Variants in GRID2 observed in about 807,000 individuals in gnomAD.
GRID2 encodes the protein glutamate ionotropic receptor delta type subunit 2.
In GRID2, 33 loss-of-function variants were observed where a neutral mutation model predicts 114.8. The observed-to-expected ratio is 0.29, with a 90% CI of 0.22 to 0.38. The LOEUF is 0.38. Ranked by LOEUF, GRID2 falls within the 10% of genes least tolerant of loss-of-function variation. GRID2 has a pLI of 1.00. For synonymous variants in GRID2, 505 were observed against 449.9 expected (o/e 1.12, Z -1.55); for missense variants, 1,184 against 1,257.7 (o/e 0.94, Z 0.89).
rs1254971068 is a variant in GRID2 at position 92,415,732 on chromosome 4, GTA to G, written c.88+110990_88+110991del. Among the ~76,000 whole-genome samples, 321 of 73,930 alleles carry G rather than the reference GTA, an allele frequency of 4.3e-3. 1 individual carries two copies. Among genetic ancestry groups the G allele is most frequent in the Non-Finnish European group, 7.3e-3 (261 of 35,724 alleles). The allele number at this position is 73,930 out of a possible 152,430, so 48.5% of individuals were successfully genotyped here. A position where few individuals can be genotyped will look rare whatever the true frequency, so the allele number is the denominator to read the frequency against. ...TGTATGTGTGTGTGTGTGTGTGTGT[GTA>G]TGTGTGTATATATATATATATATAT... On this transcript the variant is annotated intron_variant, in intron 1 of 15. Coordinates refer to ENST00000282020, the MANE Select transcript of GRID2 (RefSeq NM_001510.4).
At chr4:92,786,929 A>G (rs1739350867) in intron 2 of GRID2, among the ~76,000 whole-genome samples, 1 of 151,962 alleles carries the variant, frequency 6.6e-6, no homozygotes, top group Non-Finnish European at 1.5e-5. Flanking sequence ...AAATAAGGAC[A>G]GAAGTGTCAT....
intron 1 of GRID2, among the ~76,000 whole-genome samples, chr4:92,439,005 T>C (rs1247740005): frequency 6.6e-6 from 1 of 152,130 alleles, no homozygotes; most frequent in Non-Finnish European, 1.5e-5. Flanking sequence ...GTGAGCAACA[T>C]GGCTGTTTAT....
intron 9 of GRID2, among the ~76,000 whole-genome samples, chr4:93,416,541 G>A (rs796837107): frequency 1.3e-5 from 2 of 152,096 alleles, no homozygotes; most frequent in African/African-American, 4.8e-5. Flanking sequence ...TTCTGTAGTC[G>A]TGCATATTAA....
At chr4:92,672,137 G>C (rs1422691659) in intron 2 of GRID2, among the ~76,000 whole-genome samples, 1 of 152,118 alleles carries the variant, frequency 6.6e-6, no homozygotes, top group Non-Finnish European at 1.5e-5. Context: ...ATATTCAAAT[G>C]AGAGAGAATC....
intron 2 of GRID2, among the ~76,000 whole-genome samples, chr4:92,619,763 T>A (rs1950478499): frequency 6.6e-6 from 1 of 151,400 alleles, no homozygotes; most frequent in Non-Finnish European, 1.5e-5. Context: ...TCCAATTTGT[T>A]GTATGTCTTT....
At chr4:93,100,816 T>A (rs1731628807) in intron 3 of GRID2, among the ~76,000 whole-genome samples, 1 of 152,084 alleles carries the variant, frequency 6.6e-6, no homozygotes, top group Admixed American at 6.6e-5. Context: ...CTTAGTGACA[T>A]ATCTCTTTTC....
intron 4 of GRID2, among the ~76,000 whole-genome samples, chr4:93,168,314 T>C (rs1000563527): frequency 6.6e-6 from 1 of 151,952 alleles, no homozygotes; most frequent in Non-Finnish European, 1.5e-5. Context: ...AGAAAGACTT[T>C]TGTTAATATT....
Position 92,590,154 on chromosome 4 carries a change from A to C in GRID2, c.112A>C (p.Lys38Gln). The C allele has an allele frequency of 6.2e-7, 1 of 1,611,200 alleles. No homozygotes were observed. The highest frequency in any genetic ancestry group is 8.5e-7 in the Non-Finnish European group (1 of 1,177,790). ...AGGAGCAATTTTTGATGAATCTGCC[A>C]AAAAGGATGATGAGGTATTTCGCAC... Reference protein sequence around the residue: ...HIGAIFDESAKKDDEVFRTAV... With the variant: ...HIGAIFDESAQKDDEVFRTAV... Residue 38 changes from lysine (K) to glutamine (Q), a missense_variant, in exon 2 of 16, where the codon AAA becomes CAA. Coordinates refer to ENST00000282020, the MANE Select transcript of GRID2 (RefSeq NM_001510.4).
intron 8 of GRID2, among the ~76,000 whole-genome samples, chr4:93,251,783 G>T (rs922320525): frequency 6.6e-6 from 1 of 152,082 alleles, no homozygotes; most frequent in Admixed American, 6.6e-5. Flanking sequence ...TCTGTTCTTG[G>T]ATTAGTATGC....
At chr4:92,373,062 A>G (rs2110221948) in intron 1 of GRID2, among the ~76,000 whole-genome samples, 1 of 152,308 alleles carries the variant, frequency 6.6e-6, no homozygotes, top group South Asian at 2.1e-4. Flanking sequence ...GAGTGTTAGA[A>G]AGGACGTATT....
intron 2 of GRID2, among the ~76,000 whole-genome samples, chr4:92,887,702 G>A (rs6532383): frequency 6.6e-6 from 1 of 151,982 alleles, no homozygotes; most frequent in Non-Finnish European, 1.5e-5. Flanking sequence ...ATCAGATTTC[G>A]CCTGTGTATT....
intron 4 of GRID2, among the ~76,000 whole-genome samples, chr4:93,173,865 A>C (rs1739088533): frequency 1.3e-5 from 2 of 152,152 alleles, no homozygotes; most frequent in African/African-American, 4.8e-5. Flanking sequence ...TTCTGAGTTC[A>C]AGCGATCTGC....
intron 2 of GRID2, among the ~76,000 whole-genome samples, chr4:93,023,541 A>C (rs983641692): frequency 1.3e-5 from 2 of 151,908 alleles, no homozygotes; most frequent in Non-Finnish European, 2.9e-5. Flanking sequence ...ATTTTCTCAC[A>C]AAGGAATTAA....
intron 8 of GRID2, among the ~76,000 whole-genome samples, chr4:93,373,703 C>T (rs1051139587): frequency 2.6e-5 from 4 of 152,146 alleles, no homozygotes; most frequent in African/African-American, 9.7e-5. Flanking sequence ...ATACCTAAAG[C>T]AGCCACTGTA....
chr4:92,776,681 T>C (rs62310241), intron 2 of GRID2, among the ~76,000 whole-genome samples: 13,240 of 152,098 alleles, frequency 0.087, 671 homozygotes, highest in African/African-American at 0.14. Flanking sequence ...GTTGCCTCAT[T>C]CCTCTGTAAA....
At chr4:93,106,411 A>G (rs981659147) in intron 3 of GRID2, among the ~76,000 whole-genome samples, 6 of 152,114 alleles carry the variant, frequency 3.9e-5, no homozygotes, top group African/African-American at 1.4e-4. Flanking sequence ...CAGTGGTGCC[A>G]TCTCGGCTCA....
intron 2 of GRID2, among the ~76,000 whole-genome samples, chr4:92,684,992 T>G (rs1006645686): frequency 1.3e-5 from 2 of 152,084 alleles, no homozygotes; most frequent in African/African-American, 4.8e-5. Context: ...TCAAAGTGAA[T>G]GTAGTTAAAC....
chr4:93,069,271 AAT>A (rs1728596746), intron 2 of GRID2, among the ~76,000 whole-genome samples: 4 of 151,386 alleles, frequency 2.6e-5, no homozygotes, highest in African/African-American at 9.7e-5. Context: ...GTGTGTGTAT[AAT>A]ATATATGTGC....
At chr4:92,675,534 T>A (rs1009907896) in intron 2 of GRID2, among the ~76,000 whole-genome samples, 2 of 150,318 alleles carry the variant, frequency 1.3e-5, no homozygotes, top group African/African-American at 4.9e-5. Context: ...GAAACACCAG[T>A]CTCTGTTTGG....
Sources: gnomAD v4.1 joint callset for allele counts (sites outside exome capture counted in the v4.1 genomes callset) on GRCh38, gnomAD v4.1.1 for gene constraint, MANE v1.5 for transcripts, NCBI Gene and HGNC (gene_info 2026-07-23, HGNC 2026-07-21) for gene names.